Variants in CCDC57 observed in about 807,000 individuals in gnomAD.
The protein encoded by CCDC57 is coiled-coil domain-containing protein 57.
Under a neutral mutation model 118.9 loss-of-function variants are expected in CCDC57, and 118 were observed. The observed-to-expected ratio is 0.99, with a 90% confidence interval of 0.86 to 1.16. CCDC57 has a LOEUF of 1.16. Among genes scored for constraint, CCDC57 ranks in the 50% most tolerant of loss-of-function variants. The pLI is 0.00. For missense variants in CCDC57, 1,300 were observed against 1,320.7 expected (o/e 0.98, Z 0.24); for synonymous variants, 527 against 532.9 (o/e 0.99, Z 0.15).
At chr17:82,205,092 ATGCACACACCTG>A (rs56256528) in intron 2 of CCDC57, among the ~76,000 whole-genome samples, 52,328 of 151,652 alleles carry the variant, frequency 0.35, 10,574 homozygotes, top group East Asian at 0.88. Flanking sequence ...CACAGAGGAC[ATGCACACACCTG>A]TGCACACACC....
At chr17:82,122,760 C>G (rs1440479881) in intron 19 of CCDC57, among the ~76,000 whole-genome samples, 2 of 152,250 alleles carry the variant, frequency 1.3e-5, no homozygotes, top group Admixed American at 1.3e-4. Context: ...CACCGAGCCC[C>G]TTCCCCTGCC....
intron 19 of CCDC57, 144 bp downstream of exon 18, chr17:82,127,548 G>T: frequency 7.0e-7 from 1 of 1,435,888 alleles, no homozygotes; most frequent in Non-Finnish European, 9.1e-7. Flanking sequence ...GAGGTAAAGA[G>T]ACTCCATGCA....
chr17:82,144,755 T>C (rs1197427015), intron 16 of CCDC57, among the ~76,000 whole-genome samples: 3 of 152,254 alleles, frequency 2.0e-5, no homozygotes, highest in Non-Finnish European at 4.4e-5. Flanking sequence ...TTACTATTTA[T>C]GCACATATGC....
intron 7 of CCDC57, among the ~76,000 whole-genome samples, chr17:82,193,540 G>T: frequency 6.7e-6 from 1 of 148,944 alleles, no homozygotes; most frequent in African/African-American, 2.5e-5. Context: ...GCAAGACCCT[G>T]TCAAAAAAAA....
chr17:82,183,892 C>T, exon 9 of CCDC57: 1 of 1,613,766 alleles, frequency 6.2e-7, no homozygotes, highest in Non-Finnish European at 8.5e-7. Flanking sequence ...GCAATTTGAG[C>T]ATCCCAGGCA....
intron 16 of CCDC57, among the ~76,000 whole-genome samples, chr17:82,134,583 C>G (rs1402698810): frequency 1.3e-5 from 2 of 152,130 alleles, no homozygotes; most frequent in African/African-American, 2.4e-5. Flanking sequence ...CACTTGAGGC[C>G]AGGAGTTCGA....
rs2044350701 is a variant in CCDC57 at position 82,169,113 on chromosome 17, C to A, written c.1882+2588G>T. Among the ~76,000 whole-genome samples the A allele has an allele frequency of 2.6e-5, 4 of 152,114 alleles. No individual in the cohort carries two copies. The East Asian group carries it at 7.7e-4, about 29-fold the overall frequency. On this transcript the variant is annotated intron_variant, in intron 13 of 19. Transcript: ENST00000665763. Reference sequence around the variant, plus strand: ...TCAGCATTGGAAAAGAAAAATAAAACCTCCCTTATTTTATTTTACTTTATT... The same window carrying A: ...TCAGCATTGGAAAAGAAAAATAAAAACTCCCTTATTTTATTTTACTTTATT...
intron 16 of CCDC57, among the ~76,000 whole-genome samples, chr17:82,147,701 A>G (rs1408651175): frequency 2.4e-5 from 3 of 124,030 alleles, no homozygotes; most frequent in African/African-American, 9.3e-5. Flanking sequence ...GGGTGGATGG[A>G]TGGATGGATA....
chr17:82,129,210 C>T (rs558830732), intron 17 of CCDC57, among the ~76,000 whole-genome samples: 28 of 152,276 alleles, frequency 1.8e-4, no homozygotes, highest in Middle Eastern at 3.4e-3. Flanking sequence ...TGAGCCACCA[C>T]GCCTGACCTG....
At chr17:82,188,557 C>T (rs1276106333) in intron 7 of CCDC57, 138 bp from the exon 7 acceptor site, 5 of 852,148 alleles carry the variant, frequency 5.9e-6, no homozygotes, top group African/African-American at 1.7e-5. Flanking sequence ...CAGCAGCCAC[C>T]TGGCCACCTG....
Position 82,184,031 on chromosome 17 carries a change from G to GCGCGCACA in CCDC57, c.1053-100_1053-99insTGTGCGCG. 3.5e-3 allele frequency: 460 copies of GCGCGCACA among 131,810 alleles called. 2 individuals are homozygous for GCGCGCACA. Among genetic ancestry groups the GCGCGCACA allele is most frequent in the Non-Finnish European group, 4.4e-3 (297 of 67,604 alleles). The allele number at this position is 131,810 out of a possible 1,614,324, so 8.2% of individuals were successfully genotyped here. A position where few individuals can be genotyped will look rare whatever the true frequency, so the allele number is the denominator to read the frequency against. ...CAAATACACATGCGCGCGCGCGCGC[G>GCGCGCACA]CACACACACACACACACACACACAC... On this transcript the variant is annotated intron_variant, in intron 8 of 19. Coordinates refer to ENST00000665763, the Ensembl canonical transcript of CCDC57.
rs2036160620 is a variant in CCDC57, at chr17:82,118,057, T to G, written c.2899+9635A>C. Among the ~76,000 whole-genome samples, 1 of 152,148 alleles carries G rather than the reference T, an allele frequency of 6.6e-6. No homozygotes were observed. Among genetic ancestry groups the G allele is most frequent in the Non-Finnish European group, 1.5e-5 (1 of 68,036 alleles). The stretch of plus-strand genomic sequence containing the variant: ...GAGCCGATGCGGCGGCTCACAAAAC[T>G]ACCAGAAAGATCTGTCGGCTCTGTG... On this transcript the variant is annotated intron_variant, in intron 19 of 19. Transcript: ENST00000665763. This position sits in a 1 kb window ranked among gnomAD's most constrained non-coding sequence, Gnocchi z 4.7.
At chr17:82,177,270 G>T (rs2045641004) in intron 11 of CCDC57, among the ~76,000 whole-genome samples, 2 of 152,126 alleles carry the variant, frequency 1.3e-5, no homozygotes, top group South Asian at 4.1e-4. Flanking sequence ...CAGCTACTCA[G>T]GAGGCTGAGG....
At chr17:82,210,918 C>G (rs2050135598) in intron 1 of CCDC57, among the ~76,000 whole-genome samples, 1 of 148,590 alleles carries the variant, frequency 6.7e-6, no homozygotes, top group Non-Finnish European at 1.5e-5. Flanking sequence ...CACTTCAACC[C>G]AGGAGGCAGA....
rs71166188 is a variant in CCDC57, at chr17:82,132,759, C to CTTTTTTTTTTTTTTTTTTTTTTT, written c.2577+1313_2577+1314insAAAAAAAAAAAAAAAAAAAAAAA. ...TTATCTTTCTGTAGAGACAACCTTG[C>CTTTTTTTTTTTTTTTTTTTTTTT]TTTTTTTTTTTTTTTTTTGAGACGG... On this transcript the variant is annotated intron_variant, in intron 17 of 19. Transcript: ENST00000665763. 4.8e-5 allele frequency among the ~76,000 whole-genome samples: 6 copies of CTTTTTTTTTTTTTTTTTTTTTTT among 123,948 alleles called. 3 individuals are homozygous for CTTTTTTTTTTTTTTTTTTTTTTT. The highest frequency in any genetic ancestry group is 6.1e-5 in the African/African-American group (2 of 32,832). 81.3% of individuals were successfully genotyped at this position (123,948 alleles called of 152,430 possible). A position where few individuals can be genotyped will look rare whatever the true frequency, so the allele number is the denominator to read the frequency against.
chr17:82,153,202 G>C (rs1352640570), intron 15 of CCDC57, among the ~76,000 whole-genome samples: 1 of 152,204 alleles, frequency 6.6e-6, no homozygotes, highest in East Asian at 1.9e-4. Context: ...GGCCTGTGCT[G>C]GTAAAACAGA....
intron 19 of CCDC57, among the ~76,000 whole-genome samples, chr17:82,121,150 C>T (rs762763420): frequency 3.9e-5 from 6 of 152,188 alleles, no homozygotes; most frequent in Non-Finnish European, 8.8e-5. Context: ...ACTCAGGAGG[C>T]TGGGACAGGA....
chr17:82,137,442 G>C (rs2039370515), intron 16 of CCDC57, among the ~76,000 whole-genome samples: 1 of 152,174 alleles, frequency 6.6e-6, no homozygotes, highest in Non-Finnish European at 1.5e-5. Flanking sequence ...TGCTTTTGTT[G>C]ACTTATTATG....
intron 19 of CCDC57, chr17:82,113,824 T>C (rs907797476): frequency 1.8e-5 from 11 of 607,354 alleles, no homozygotes; most frequent in East Asian, 5.6e-5. Context: ...TGTGCACCTG[T>C]AGTCTCAGCT....
Sources: gnomAD v4.1 joint callset for allele counts (sites outside exome capture counted in the v4.1 genomes callset) on GRCh38, gnomAD v4.1.1 for gene constraint, Gnocchi (gnomAD v3.1) non-coding constraint, MANE v1.5 for transcripts, NCBI Gene and HGNC (gene_info 2026-07-23, HGNC 2026-07-21) for gene names.